The following HIRA variants were observed in gnomAD, a reference collection of about 807,000 sequenced individuals.
HIRA encodes protein HIRA.
In HIRA, 13 loss-of-function variants were observed where a neutral mutation model predicts 126.6. That is an observed-to-expected ratio of 0.10 (90% CI 0.07 to 0.16). HIRA has a LOEUF of 0.16. Ranked by LOEUF, HIRA falls within the 10% of genes least tolerant of loss-of-function variation. The probability of loss-of-function intolerance (pLI) is 1.00; values close to 1 mark genes in which losing one functional copy is unlikely to be tolerated. For missense variants in HIRA, 834 were observed against 1,314.4 expected, an observed-to-expected ratio of 0.63 and a Z score of 5.65; for synonymous variants, 511 against 520.0, an observed-to-expected ratio of 0.98 and a Z score of 0.24.
intron 24 of HIRA, among the ~76,000 whole-genome samples, chr22:19,342,450 G>C (rs568079295): frequency 3.7e-4 from 57 of 152,240 alleles, no homozygotes; most frequent in African/African-American, 1.3e-3. Flanking sequence ...GCAGTGGCAC[G>C]ATCTCGGCTC....
chr22:19,387,528 G>T (rs1356144660), intron 11 of HIRA, among the ~76,000 whole-genome samples, 183 bp downstream of exon 11: 1 of 152,136 alleles, frequency 6.6e-6, no homozygotes, highest in African/African-American at 2.4e-5. Flanking sequence ...ATGGGGACTC[G>T]TTTTTTAATT....
chr22:19,428,572 C>A (rs1404557212), intron 1 of HIRA, among the ~76,000 whole-genome samples: 1 of 152,200 alleles, frequency 6.6e-6, no homozygotes, highest in East Asian at 1.9e-4. Flanking sequence ...ACCCTCTCCA[C>A]TTTGAATGGA....
At chr22:19,341,598 T>C (rs1243788415) in intron 24 of HIRA, among the ~76,000 whole-genome samples, 1 of 151,518 alleles carries the variant, frequency 6.6e-6, no homozygotes, top group African/African-American at 2.4e-5. Context: ...GGTATAAAAA[T>C]AGGCAAACAG....
At chr22:19,342,880 A>T (rs1403622908) in intron 24 of HIRA, among the ~76,000 whole-genome samples, 1 of 152,240 alleles carries the variant, frequency 6.6e-6, no homozygotes, top group Non-Finnish European at 1.5e-5. Flanking sequence ...GATAAAGAAA[A>T]TGTGGTATAT....
At chr22:19,393,756 T>C (rs1221540804) in intron 8 of HIRA, among the ~76,000 whole-genome samples, 2 of 152,216 alleles carry the variant, frequency 1.3e-5, no homozygotes, top group African/African-American at 4.8e-5. Flanking sequence ...CCAATCTGTT[T>C]ATTTTATTTG....
chr22:19,347,899 A>T (rs1351690152), intron 24 of HIRA, among the ~76,000 whole-genome samples: 1 of 152,248 alleles, frequency 6.6e-6, no homozygotes, highest in Non-Finnish European at 1.5e-5. Context: ...ATATTGTGCC[A>T]CTGTACTCCA....
At chr22:19,355,444 T>C (rs543068411) in intron 21 of HIRA, among the ~76,000 whole-genome samples, 11 of 152,190 alleles carry the variant, frequency 7.2e-5, no homozygotes, top group Non-Finnish European at 1.5e-4. Context: ...TAAAGCCCAC[T>C]AACCTATGCT....
chr22:19,355,655 G>A, intron 21 of HIRA, 105 bp downstream of exon 21: 4 of 751,218 alleles, frequency 5.3e-6, no homozygotes, highest in Non-Finnish European at 9.3e-6. Context: ...CTGACTCTCA[G>A]GAAAAGCAGG....
At chr22:19,375,815 C>G in intron 14 of HIRA, 23 bp from the exon 15 acceptor site, 1 of 1,612,970 alleles carries the variant, frequency 6.2e-7, no homozygotes, top group Non-Finnish European at 8.5e-7. Context: ...AGAGGGGAGG[C>G]ATGTCAAGCG....
chr22:19,425,594 T>C (rs1048502011), intron 1 of HIRA, among the ~76,000 whole-genome samples: 2 of 143,270 alleles, frequency 1.4e-5, no homozygotes, highest in African/African-American at 3.0e-5. Context: ...AAAGTGAAAA[T>C]AGTTTTCAAC....
intron 15 of HIRA, among the ~76,000 whole-genome samples, chr22:19,372,023 C>T (rs901871376): frequency 6.6e-6 from 1 of 152,152 alleles, no homozygotes; most frequent in South Asian, 2.1e-4. Context: ...CTATATTTTA[C>T]CATTTGAGGA....
Position 19,351,467 on chromosome 22 carries a change from AAACAAC to A in HIRA, c.2849-27_2849-22del. On this transcript the variant is annotated intron_variant, in intron 23 of 24. Coordinates refer to ENST00000263208, the MANE Select transcript of HIRA (RefSeq NM_003325.4). This position sits in a 1 kb window ranked among gnomAD's most constrained non-coding sequence, Gnocchi z 4.8. ...AAACCCTAATTACAGAAAAACAAAC[AAACAAC>A]AACAACAAAAAACAAAACAGAAATA... The A allele has an allele frequency of 6.4e-7, 1 of 1,553,936 alleles. No homozygotes were observed. The highest frequency in any genetic ancestry group is 8.8e-7 in the Non-Finnish European group (1 of 1,130,928).
chr22:19,431,193 C>G (rs2089534511), intron 1 of HIRA, among the ~76,000 whole-genome samples: 1 of 152,216 alleles, frequency 6.6e-6, no homozygotes, highest in Non-Finnish European at 1.5e-5. Flanking sequence ...CACAGGTGGG[C>G]AGCGGAAGAC....
chr22:19,430,391 G>A (rs1316417908), intron 1 of HIRA: 1 of 152,256 alleles, frequency 6.6e-6, no homozygotes, highest in Admixed American at 6.5e-5. Flanking sequence ...GTTCAGTTTA[G>A]TTGTGGTAGT....
At chr22:19,398,751 C>T (rs1569307147) in intron 5 of HIRA, among the ~76,000 whole-genome samples, 1 of 152,106 alleles carries the variant, frequency 6.6e-6, no homozygotes, top group Non-Finnish European at 1.5e-5. Context: ...CTGAGGTGGG[C>T]AGATCGCTTG....
chr22:19,367,448 C>G (rs1187502950), intron 15 of HIRA, among the ~76,000 whole-genome samples: 1 of 151,178 alleles, frequency 6.6e-6, no homozygotes, highest in Non-Finnish European at 1.5e-5. Flanking sequence ...ATCACTGCAA[C>G]CTCTGCCTCC....
At chr22:19,340,767 C>G (rs1274923764) in intron 24 of HIRA, among the ~76,000 whole-genome samples, 2 of 152,056 alleles carry the variant, frequency 1.3e-5, no homozygotes, top group Non-Finnish European at 2.9e-5. Context: ...GTTACAATAG[C>G]TGCAAATAAA....
chr22:19,431,416 C>T, intron 1 of HIRA, 24 bp downstream of exon 1: 2 of 1,607,710 alleles, frequency 1.2e-6, no homozygotes, highest in Non-Finnish European at 1.7e-6. Context: ...GGCTCGGCCT[C>T]CCGCGACCCC....
Position 19,375,640 on chromosome 22 carries a change from G to A in HIRA, c.1766C>T (p.Ala589Val). The change falls in exon 15 of 25, where the codon GCT becomes GTT. Residue 589 changes from alanine to valine, a missense_variant. Coordinates refer to ENST00000263208, the MANE Select transcript of HIRA (RefSeq NM_003325.4). The part of the protein sequence containing the change: ...APALTSMTPT[A>V]VERLKEQNLV... ...TGCAGCTACCACCTACCTTTCCACA[G>A]CTGTCGGAGTCATGCTGGTCAGGGC... is the stretch of plus-strand genomic sequence containing the variant. 1 of 1,614,178 alleles carries A rather than the reference G, an allele frequency of 6.2e-7. No individual in the cohort carries two copies. Among genetic ancestry groups the A allele is most frequent in the Non-Finnish European group, 8.5e-7 (1 of 1,180,024 alleles).
Sources: allele counts gnomAD v4.1 joint callset (sites outside exome capture counted in the v4.1 genomes callset), GRCh38; gene constraint gnomAD v4.1.1; non-coding constraint Gnocchi (gnomAD v3.1); transcripts MANE v1.5; gene names NCBI Gene and HGNC (gene_info 2026-07-23, HGNC 2026-07-21).